Variants in LMX1A observed in about 807,000 individuals in gnomAD.
The protein encoded by LMX1A is LIM homeobox transcription factor 1 alpha.
LMX1A carries 15 observed loss-of-function variants against 49.1 expected under a neutral mutation model. That is an observed-to-expected ratio of 0.31 (90% CI 0.20 to 0.47). The LOEUF (loss-of-function observed/expected upper bound fraction) is 0.47. Ranked by LOEUF, LMX1A falls within the 20% of genes least tolerant of loss-of-function variation. LMX1A has a pLI of 1.00. For synonymous variants in LMX1A, 167 were observed against 185.7 expected (o/e 0.90, Z 0.82); for missense variants, 372 against 475.8 (o/e 0.78, Z 2.03).
chr1:165,302,890 G>C (rs1386488825), intron 3 of LMX1A, among the ~76,000 whole-genome samples: 2 of 152,132 alleles, frequency 1.3e-5, no homozygotes, highest in Non-Finnish European at 2.9e-5. Flanking sequence ...CCAGCTTCTA[G>C]GAAGCTCAGA....
At position 165,246,818 on chromosome 1, in the gene LMX1A, A is replaced by G. The variant is rs79868031; in HGVS notation, c.496+2590T>C. On this transcript the variant is annotated intron_variant, in intron 4 of 8. Transcript: ENST00000342310. ...CATCCCCACATCATTCTTGTCATTC[A>G]TATTTTGACTCTGTGCCTGGCATGA... Among the ~76,000 whole-genome samples, 1,083 of 110,046 alleles carry G rather than the reference A, an allele frequency of 9.8e-3. 5 individuals carry two copies. The highest frequency in any genetic ancestry group is 0.015 in the Non-Finnish European group (743 of 49,854). 72.2% of individuals were successfully genotyped at this position (110,046 alleles called of 152,430 possible).
At chr1:165,340,270 T>C (rs1487907871) in intron 3 of LMX1A, among the ~76,000 whole-genome samples, 1 of 151,922 alleles carries the variant, frequency 6.6e-6, no homozygotes, top group Non-Finnish European at 1.5e-5. Context: ...ACCTGGCTAA[T>C]GTTTTTGTTT....
intron 3 of LMX1A, among the ~76,000 whole-genome samples, chr1:165,324,623 G>A (rs1655515337): frequency 6.6e-6 from 1 of 151,980 alleles, no homozygotes; most frequent in Non-Finnish European, 1.5e-5. Flanking sequence ...ATGGAGTTTT[G>A]GATTAATAAA....
At chr1:165,302,798 G>A (rs1268290032) in intron 3 of LMX1A, among the ~76,000 whole-genome samples, 1 of 152,176 alleles carries the variant, frequency 6.6e-6, no homozygotes, top group Non-Finnish European at 1.5e-5. Flanking sequence ...GCCAGGGTTA[G>A]GTTTTTCTCT....
rs756497389 is a variant in LMX1A, at chr1:165,319,035, ACACACACC to A, written c.263+34033_263+34040del. Among the ~76,000 whole-genome samples the A allele has an allele frequency of 1.4e-3, 203 of 145,226 alleles. No individual in the cohort carries two copies. The Middle Eastern group carries it at 0.042, about 30-fold the overall frequency. Reference sequence around the variant, plus strand: ...CACACACACACACACACACACACACACACACACCCCAACTTCTTAGTAGGAACTAGACA... The same window carrying A: ...CACACACACACACACACACACACACACCAACTTCTTAGTAGGAACTAGACA... On this transcript the variant is annotated intron_variant, in intron 3 of 8. Transcript: ENST00000342310.
chr1:165,334,205 T>C (rs981177772), intron 3 of LMX1A, among the ~76,000 whole-genome samples: 6 of 152,084 alleles, frequency 3.9e-5, no homozygotes, highest in African/African-American at 1.4e-4. Context: ...ACAAATAATA[T>C]GAACAAAGCA....
At chr1:165,259,659 AG>A (rs1052272014) in intron 3 of LMX1A, among the ~76,000 whole-genome samples, 1 of 152,146 alleles carries the variant, frequency 6.6e-6, no homozygotes, top group African/African-American at 2.4e-5. Flanking sequence ...AGGCCGATAA[AG>A]GGGCAATAAT....
chr1:165,228,480 T>G (rs1652118079), intron 4 of LMX1A, among the ~76,000 whole-genome samples: 1 of 152,218 alleles, frequency 6.6e-6, no homozygotes, highest in African/African-American at 2.4e-5. Context: ...TCAACAGTTG[T>G]GTCTTCTCCC....
At chr1:165,310,054 A>T (rs751144248) in intron 3 of LMX1A, among the ~76,000 whole-genome samples, 1 of 152,256 alleles carries the variant, frequency 6.6e-6, no homozygotes, top group African/African-American at 2.4e-5. Context: ...TTTGAATCCC[A>T]GTATTATAAC....
At chr1:165,210,826 G>C in intron 5 of LMX1A, 50 bp from the exon 6 acceptor site, 1 of 1,400,520 alleles carries the variant, frequency 7.1e-7, no homozygotes, top group Admixed American at 1.7e-5. Flanking sequence ...CTCAGGGTAG[G>C]AGGTAGAACA....
chr1:165,205,955 G>T lies in LMX1A; in HGVS notation c.897C>A (p.Leu299=), dbSNP rs1651058465. 1 of 1,613,840 alleles carries T rather than the reference G, an allele frequency of 6.2e-7. No individual in the cohort carries two copies. The highest frequency in any genetic ancestry group is 1.3e-5 in the African/African-American group (1 of 75,026). Residue 299 remains leucine, a synonymous_variant, in exon 8 of 9, where the codon CTC becomes CTA. Transcript: ENST00000342310. The part of the protein sequence containing the change: ...PYTALPTPQQ[L]LAIEQSVYSS... Reference sequence around the variant, plus strand: ...TGTAGACACTCTGCTCGATGGCCAGGAGCTGCTGTGGGGTGGGCAGAGCCG... The same window carrying T: ...TGTAGACACTCTGCTCGATGGCCAGTAGCTGCTGTGGGGTGGGCAGAGCCG...
intron 3 of LMX1A, among the ~76,000 whole-genome samples, chr1:165,294,127 C>A (rs1440000211): frequency 6.6e-6 from 1 of 152,148 alleles, no homozygotes; most frequent in African/African-American, 2.4e-5. Context: ...AAGGTGGAAC[C>A]AAAACCAAGT....
chr1:165,276,197 A>G (rs1017673437), intron 3 of LMX1A, among the ~76,000 whole-genome samples: 1 of 152,186 alleles, frequency 6.6e-6, no homozygotes. Context: ...GGATCACCGC[A>G]TATTTTGGCA....
At chr1:165,249,366 C>A (rs966273463) in intron 4 of LMX1A, 42 bp downstream of exon 4, 1 of 1,443,370 alleles carries the variant, frequency 6.9e-7, no homozygotes, top group Non-Finnish European at 9.7e-7. Context: ...CAACTCCACT[C>A]TACCCACCCC....
At chr1:165,247,441 C>T (rs969156041) in intron 4 of LMX1A, among the ~76,000 whole-genome samples, 1 of 152,004 alleles carries the variant, frequency 6.6e-6, no homozygotes, top group Non-Finnish European at 1.5e-5. Context: ...AAGTGTATAC[C>T]CATTAGAATG....
chr1:165,290,228 A>G (rs1402636109), intron 3 of LMX1A, among the ~76,000 whole-genome samples: 1 of 152,242 alleles, frequency 6.6e-6, no homozygotes, highest in Non-Finnish European at 1.5e-5. Flanking sequence ...GCTTAAAACA[A>G]CAGAAATTTA....
At chr1:165,314,731 G>A (rs1040223201) in intron 3 of LMX1A, among the ~76,000 whole-genome samples, 11 of 152,106 alleles carry the variant, frequency 7.2e-5, no homozygotes, top group African/African-American at 2.2e-4. Flanking sequence ...GATTTCTAGG[G>A]TCCAGCATCT....
At chr1:165,341,680 T>A (rs1352311891) in intron 3 of LMX1A, among the ~76,000 whole-genome samples, 1 of 152,082 alleles carries the variant, frequency 6.6e-6, no homozygotes, top group African/African-American at 2.4e-5. Context: ...GGAATTTAGA[T>A]AACCTGGTTT....
intron 4 of LMX1A, among the ~76,000 whole-genome samples, chr1:165,240,727 T>C (rs1652618524): frequency 6.6e-6 from 1 of 152,174 alleles, no homozygotes; most frequent in Admixed American, 6.6e-5. Flanking sequence ...TCATTAACTG[T>C]CAGGTTCAAT....
Sources: gnomAD v4.1 joint callset for allele counts (sites outside exome capture counted in the v4.1 genomes callset) on GRCh38, gnomAD v4.1.1 for gene constraint, MANE v1.5 for transcripts, NCBI Gene and HGNC (gene_info 2026-07-23, HGNC 2026-07-21) for gene names.